The following SHROOM2 variants were observed in gnomAD, a reference collection of about 807,000 sequenced individuals.
SHROOM2 encodes shroom family member 2.
A neutral mutation model predicts 75.9 loss-of-function variants in SHROOM2; 33 were observed. That is an observed-to-expected ratio of 0.43 (90% CI 0.33 to 0.58). The LOEUF is 0.58. Ranked by LOEUF, SHROOM2 falls within the 20% of genes least tolerant of loss-of-function variation. SHROOM2 has a pLI of 0.04. For missense variants in SHROOM2, 1,434 were observed against 1,461.2 expected, an observed-to-expected ratio of 0.98 and a Z score of 0.30; for synonymous variants, 655 against 663.6, an observed-to-expected ratio of 0.99 and a Z score of 0.20.
intron 1 of SHROOM2, among the ~76,000 whole-genome samples, chrX:9,797,705 C>A (rs2083702593): frequency 8.9e-6 from 1 of 112,192 alleles, no homozygotes; most frequent in African/African-American, 3.2e-5. Context: ...TCCTTCTCCT[C>A]CCCGGGGATG....
chrX:9,837,022 A>G (rs1261352775), intron 1 of SHROOM2, among the ~76,000 whole-genome samples: 1 of 112,222 alleles, frequency 8.9e-6, no homozygotes, highest in African/African-American at 3.2e-5. Flanking sequence ...TTCGGGATTG[A>G]TCCACATTGC....
At chrX:9,821,353 G>A (rs183596278) in intron 1 of SHROOM2, among the ~76,000 whole-genome samples, 48 of 111,897 alleles carry the variant, frequency 4.3e-4, no homozygotes, top group African/African-American at 1.5e-3. Flanking sequence ...GCACTTCTCT[G>A]AACCAGTAGA....
At chrX:9,806,148 T>A (rs1357486028) in intron 1 of SHROOM2, among the ~76,000 whole-genome samples, 1 of 110,125 alleles carries the variant, frequency 9.1e-6, no homozygotes, top group African/African-American at 3.3e-5. Context: ...TTTTTGAGCC[T>A]CCTAGCCTGT....
At chrX:9,876,778 CA>C (rs1341492195) in intron 2 of SHROOM2, among the ~76,000 whole-genome samples, 1 of 112,477 alleles carries the variant, frequency 8.9e-6, no homozygotes, top group African/African-American at 3.2e-5. Context: ...GAGGTATATA[CA>C]TCTCTGTGTA....
chrX:9,848,233 G>A (rs1298722954), intron 1 of SHROOM2, among the ~76,000 whole-genome samples: 1 of 110,558 alleles, frequency 9.0e-6, no homozygotes, highest in Non-Finnish European at 1.9e-5. Flanking sequence ...GGCCGGGCGC[G>A]GTGGCTCACG....
At chrX:9,887,082 C>G (rs1337483151) in intron 2 of SHROOM2, among the ~76,000 whole-genome samples, 2 of 112,392 alleles carry the variant, frequency 1.8e-5, no homozygotes, top group African/African-American at 3.2e-5. Context: ...CTGCCTTATT[C>G]ATTTGCAACA....
At chrX:9,819,302 A>G (rs1166696271) in intron 1 of SHROOM2, 2 of 561,588 alleles carry the variant, frequency 3.6e-6, no homozygotes, top group Admixed American at 3.1e-5. Context: ...GTATCCCACC[A>G]AAATACTTGG....
At chrX:9,807,873 C>G (rs1296247637) in intron 1 of SHROOM2, among the ~76,000 whole-genome samples, 2 of 111,530 alleles carry the variant, frequency 1.8e-5, no homozygotes, top group Non-Finnish European at 3.8e-5. Context: ...CTTCTGAAGT[C>G]TCTTTTTAAG....
Position 9,818,459 on chromosome X carries a change from G to A in SHROOM2, c.165+31749G>A, listed in dbSNP as rs1665471360. On this transcript the variant is annotated intron_variant, in intron 1 of 9. Coordinates refer to ENST00000380913, the MANE Select transcript of SHROOM2 (RefSeq NM_001649.4). The stretch of plus-strand genomic sequence containing the variant: ...ACATGTTTCTTAAAGGCCTTTTTCC[G>A]ACCAGCTGATGACGACCTCTTCTTC... 7.7e-5 allele frequency: 18 copies of A among 234,963 alleles called. No homozygotes were observed. In the South Asian group the frequency reaches 9.9e-4, roughly 13 times the overall value. 19.4% of individuals were successfully genotyped at this position (234,963 alleles called of 1,213,427 possible).
intron 1 of SHROOM2, among the ~76,000 whole-genome samples, chrX:9,862,375 A>T (rs927261409): frequency 1.8e-5 from 2 of 109,497 alleles, no homozygotes; most frequent in Non-Finnish European, 3.8e-5. Context: ...ATCTCGATGG[A>T]AGATGGCTCA....
chrX:9,927,590 G>C (rs1235222026), intron 5 of SHROOM2, among the ~76,000 whole-genome samples: 1 of 111,357 alleles, frequency 9.0e-6, no homozygotes, highest in Non-Finnish European at 1.9e-5. Context: ...CTTAACCATG[G>C]TGTCTTGAAA....
At chrX:9,924,711 A>G (rs189058432) in intron 5 of SHROOM2, among the ~76,000 whole-genome samples, 47 of 108,139 alleles carry the variant, frequency 4.3e-4, no homozygotes, top group Middle Eastern at 4.7e-3. Context: ...GCTGGAGTGC[A>G]GTGGTGTGAT....
At chrX:9,826,734 C>T (rs1296986971) in intron 1 of SHROOM2, among the ~76,000 whole-genome samples, 1 of 111,989 alleles carries the variant, frequency 8.9e-6, no homozygotes, top group African/African-American at 3.2e-5. Flanking sequence ...TGTGATTGTG[C>T]CTCTGCACTC....
intron 1 of SHROOM2, among the ~76,000 whole-genome samples, chrX:9,860,072 C>T (rs757521330): frequency 7.2e-5 from 8 of 111,770 alleles, no homozygotes; most frequent in Non-Finnish European, 1.5e-4. Flanking sequence ...GCAGTTTTGT[C>T]CTCCAGGAGA....
chrX:9,827,351 G>A (rs1266992298), intron 1 of SHROOM2, among the ~76,000 whole-genome samples: 1 of 103,502 alleles, frequency 9.7e-6, no homozygotes, highest in Admixed American at 1.1e-4. Context: ...GCCTCCCAGA[G>A]TGGTGGGATT....
intron 2 of SHROOM2, among the ~76,000 whole-genome samples, chrX:9,874,043 C>T (rs1389842107): frequency 8.9e-6 from 1 of 112,258 alleles, no homozygotes; most frequent in Non-Finnish European, 1.9e-5. Context: ...TCGTATCTTT[C>T]CTTTGTTTAT....
chrX:9,787,368 C>T (rs2083620878), intron 1 of SHROOM2, among the ~76,000 whole-genome samples: 1 of 111,894 alleles, frequency 8.9e-6, no homozygotes, highest in Non-Finnish European at 1.9e-5. Context: ...TGCTTTAGAA[C>T]ATTGAATTTT....
At chrX:9,796,828 A>G (rs2083697553) in intron 1 of SHROOM2, among the ~76,000 whole-genome samples, 1 of 110,664 alleles carries the variant, frequency 9.0e-6, no homozygotes, top group Non-Finnish European at 1.9e-5. Context: ...TATTTTCTGT[A>G]GAGGTAGGGT....
At position 9,944,922 on chromosome X, in the gene SHROOM2, A is replaced by C; in HGVS notation, c.4584+9A>C. ...CTTCTCCCGGTGATCGGGTAAATGCAGATACGTCTGACTTGGAAATGGGGG... is the reference window on the plus strand; with the variant it reads ...CTTCTCCCGGTGATCGGGTAAATGCCGATACGTCTGACTTGGAAATGGGGG... On this transcript the variant is annotated intron_variant, in intron 9 of 9. Transcript: ENST00000380913. 1 of 1,187,202 alleles carries C rather than the reference A, an allele frequency of 8.4e-7. No individual in the cohort carries two copies. The highest frequency in any genetic ancestry group is 1.1e-6 in the Non-Finnish European group (1 of 880,880).
Sources: allele counts gnomAD v4.1 joint callset (sites outside exome capture counted in the v4.1 genomes callset), GRCh38; gene constraint gnomAD v4.1.1; transcripts MANE v1.5; gene names NCBI Gene and HGNC (gene_info 2026-07-23, HGNC 2026-07-21).